LRRC49: variants seen among roughly 807,000 people sequenced by gnomAD.
The protein encoded by LRRC49 is leucine-rich repeat-containing protein 49.
In LRRC49, 50 loss-of-function variants were observed where a neutral mutation model predicts 83.3. The ratio of observed to expected loss-of-function variants is 0.60; its 90% CI spans 0.48 to 0.76. LRRC49 has a LOEUF of 0.76. Ranked by LOEUF, LRRC49 falls within the 30% of genes least tolerant of loss-of-function variation. The pLI is 0.00. For synonymous variants in LRRC49, 286 were observed against 283.3 expected (o/e 1.01, Z -0.10); for missense variants, 704 against 809.1 (o/e 0.87, Z 1.58).
chr15:70,918,811 G>A (rs1438894506), intron 6 of LRRC49: 3 of 372,222 alleles, frequency 8.1e-6, no homozygotes, highest in Non-Finnish European at 1.5e-5. Context: ...ATTTGATGAC[G>A]TTTACGTCAA....
chr15:70,892,048 G>C (rs200665629), upstream of LRRC49: 10 of 1,613,626 alleles, frequency 6.2e-6, no homozygotes, highest in South Asian at 1.1e-4. Flanking sequence ...GGCGCTGGGA[G>C]AAGCGCAGGT....
intron 8 of LRRC49, among the ~76,000 whole-genome samples, chr15:70,948,328 C>G (rs1264971874): frequency 6.6e-6 from 1 of 152,156 alleles, no homozygotes; most frequent in Non-Finnish European, 1.5e-5. Flanking sequence ...TCATTGCACT[C>G]CTGATAGAGC....
intron 6 of LRRC49, among the ~76,000 whole-genome samples, chr15:70,912,729 T>C (rs879274503): frequency 6.6e-6 from 1 of 152,120 alleles, no homozygotes; most frequent in African/African-American, 2.4e-5. Flanking sequence ...CAGGCTGGAG[T>C]GCAGTGGTGC....
chr15:70,918,991 G>A (rs1596019573), intron 6 of LRRC49, 59 bp from the exon 7 acceptor site: 1 of 1,362,998 alleles, frequency 7.3e-7, no homozygotes, highest in East Asian at 2.3e-5. Context: ...AGGGTTTTTA[G>A]AACATGTATA....
At chr15:70,978,997 T>C (rs1481618501) in intron 9 of LRRC49, among the ~76,000 whole-genome samples, 1 of 152,184 alleles carries the variant, frequency 6.6e-6, no homozygotes, top group Non-Finnish European at 1.5e-5. Flanking sequence ...CTTGTTATGG[T>C]TTCCTGTCTC....
intron 2 of LRRC49, among the ~76,000 whole-genome samples, chr15:70,876,726 A>T (rs2033159464): frequency 6.6e-6 from 1 of 151,988 alleles, no homozygotes; most frequent in South Asian, 2.1e-4. Context: ...TATCTTCTCC[A>T]TTTTTTGCCT....
At chr15:70,881,637 C>T (rs906098432) in intron 2 of LRRC49, 1 of 152,116 alleles carries the variant, frequency 6.6e-6, no homozygotes, top group Non-Finnish European at 1.5e-5. Context: ...CTAATATTTC[C>T]ATGCTTATTT....
intron 9 of LRRC49, among the ~76,000 whole-genome samples, chr15:70,974,720 TAAA>T (rs1343976655): frequency 2.3e-5 from 3 of 129,134 alleles, no homozygotes; most frequent in Non-Finnish European, 1.7e-5. Context: ...CAAAGCATTG[TAAA>T]AAAAAAAAAA....
intron 11 of LRRC49, among the ~76,000 whole-genome samples, chr15:70,990,786 A>C (rs1423262038): frequency 6.6e-6 from 1 of 152,222 alleles, no homozygotes; most frequent in African/African-American, 2.4e-5. Context: ...GGCTCCAGCC[A>C]GAACCTTTCT....
intron 7 of LRRC49, among the ~76,000 whole-genome samples, chr15:70,924,195 G>C (rs1161127507): frequency 6.6e-6 from 1 of 151,880 alleles, no homozygotes; most frequent in Non-Finnish European, 1.5e-5. Flanking sequence ...TGTATATGAA[G>C]TATGTATTCT....
intron 9 of LRRC49, among the ~76,000 whole-genome samples, chr15:70,970,273 A>G (rs1296096998): frequency 6.6e-6 from 1 of 152,146 alleles, no homozygotes; most frequent in Non-Finnish European, 1.5e-5. Context: ...TATGTGATGG[A>G]TTACATTTAT....
chr15:70,951,108 A>G (rs1007986517), intron 8 of LRRC49, among the ~76,000 whole-genome samples: 3 of 151,940 alleles, frequency 2.0e-5, no homozygotes, highest in African/African-American at 7.2e-5. Context: ...ATCCTGTTCC[A>G]TTGGTCCATG....
intron 15 of LRRC49, among the ~76,000 whole-genome samples, chr15:71,042,811 T>G (rs1015166466): frequency 1.3e-5 from 2 of 152,198 alleles, no homozygotes; most frequent in African/African-American, 4.8e-5. Context: ...AAAGGGACTT[T>G]AAAGAATCTA....
chr15:70,902,178 A>AT (rs1418881367), intron 4 of LRRC49, among the ~76,000 whole-genome samples: 1 of 152,044 alleles, frequency 6.6e-6, no homozygotes, highest in Non-Finnish European at 1.5e-5. Flanking sequence ...GTTTTGAGGG[A>AT]TTTTTTTGGT....
chr15:70,988,883 C>T (rs1370593599), intron 11 of LRRC49, among the ~76,000 whole-genome samples: 1 of 152,062 alleles, frequency 6.6e-6, no homozygotes, highest in African/African-American at 2.4e-5. Context: ...TTTTATTTCT[C>T]CTTCACTTAT....
intron 2 of LRRC49, among the ~76,000 whole-genome samples, chr15:70,875,753 T>G (rs1485787265): frequency 6.6e-6 from 1 of 152,202 alleles, no homozygotes; most frequent in Non-Finnish European, 1.5e-5. Context: ...ATAATGTAAT[T>G]TATCTAAGTA....
At chr15:70,861,116 G>T (rs2032778509) in intron 1 of LRRC49, among the ~76,000 whole-genome samples, 1 of 152,156 alleles carries the variant, frequency 6.6e-6, no homozygotes, top group Non-Finnish European at 1.5e-5. Context: ...ACTGTATTTT[G>T]ATATATTTTT....
At chr15:70,861,475 G>A (rs1257398716) in intron 1 of LRRC49, among the ~76,000 whole-genome samples, 2 of 151,698 alleles carry the variant, frequency 1.3e-5, no homozygotes, top group African/African-American at 2.4e-5. Context: ...ATGAATGGAA[G>A]TCGGGTCATT....
intron 1 of LRRC49, among the ~76,000 whole-genome samples, chr15:70,871,973 T>C (rs962222664): frequency 6.6e-5 from 10 of 151,844 alleles, no homozygotes; most frequent in Middle Eastern, 3.2e-3. Context: ...GCAGAGACGC[T>C]CCTCACTTCC....
Sources: allele counts gnomAD v4.1 joint callset (sites outside exome capture counted in the v4.1 genomes callset), GRCh38; gene constraint gnomAD v4.1.1; transcripts MANE v1.5; gene names NCBI Gene and HGNC (gene_info 2026-07-23, HGNC 2026-07-21).